PODXL: variants seen among roughly 807,000 people sequenced by gnomAD.
The protein encoded by PODXL is podocalyxin like.
PODXL carries 20 observed loss-of-function variants against 48.9 expected under a neutral mutation model. The ratio of observed to expected loss-of-function variants is 0.41; its 90% CI spans 0.29 to 0.59. The LOEUF is 0.59. PODXL is among the 20% of genes least tolerant of loss of function. The pLI is 0.31. For synonymous variants in PODXL, 295 were observed against 287.4 expected (o/e 1.03, Z -0.27); for missense variants, 606 against 675.1 (o/e 0.90, Z 1.13).
In PODXL at chr7:131,506,601, G is replaced by T; in HGVS notation, c.1227C>A (p.Val409=). ...LASVPGSQTV[V]VKEITIHTKL... Reference sequence around the variant, plus strand: ...CACTGTGAATAGTGATTTCTTTGACGACCACGGTCTGACTTCCTGGAACAG... The same window carrying T: ...CACTGTGAATAGTGATTTCTTTGACTACCACGGTCTGACTTCCTGGAACAG... The change falls in exon 6 of 9, where the codon GTC becomes GTA. Residue 409 remains valine (V), a synonymous_variant. Coordinates refer to ENST00000378555, the MANE Select transcript of PODXL (RefSeq NM_001018111.3). The T allele has an allele frequency of 1.2e-6, 2 of 1,614,070 alleles. No homozygotes were observed. Among genetic ancestry groups the T allele is most frequent in the East Asian group, 2.2e-5 (1 of 44,858 alleles).
chr7:131,536,356 G>A (rs1258545017), intron 1 of PODXL, among the ~76,000 whole-genome samples: 2 of 152,198 alleles, frequency 1.3e-5, no homozygotes, highest in African/African-American at 4.8e-5. Context: ...CTGGATGGCT[G>A]GTGCTGTCTA....
intron 1 of PODXL, among the ~76,000 whole-genome samples, chr7:131,538,791 T>G (rs534155728): frequency 6.6e-6 from 1 of 152,272 alleles, no homozygotes; most frequent in African/African-American, 2.4e-5. Context: ...GGCGTCCCCA[T>G]GCCGAGCCCC....
In PODXL at chr7:131,556,497, C is replaced by T; in HGVS notation, c.-138G>A. 9.4e-7 allele frequency: 1 copy of T among 1,062,344 alleles called. No homozygotes were observed. The highest frequency in any genetic ancestry group is 1.2e-6 in the Non-Finnish European group (1 of 831,730). 65.8% of individuals were successfully genotyped at this position (1,062,344 alleles called of 1,614,324 possible). ...AGGCCAGGCTGTGGCCCGGGGCTCC[C>T]GAGTCGCGCTGCGGCGGCTCTTCCT... On this transcript the variant is annotated 5_prime_UTR_variant, in exon 1 of 9. Transcript: ENST00000378555.
Position 131,517,340 on chromosome 7 carries a change from G to A in PODXL, c.101-5907C>T, listed in dbSNP as rs80037388. On this transcript the variant is annotated intron_variant, in intron 1 of 8. Transcript: ENST00000378555. ...TTTCGAGCAGCAGCTAACAGCTTGT[G>A]TGCTCTTTAGGATCAGAATGGACGG... Among the ~76,000 whole-genome samples the A allele has an allele frequency of 3.9e-5, 6 of 152,306 alleles. No individual in the cohort carries two copies. In the East Asian group the frequency reaches 1.2e-3, roughly 29 times the overall value.
At chr7:131,510,141 A>G in intron 3 of PODXL, 95 bp downstream of exon 3, 1 of 416,932 alleles carries the variant, frequency 2.4e-6, no homozygotes, top group Non-Finnish European at 4.7e-6. Flanking sequence ...CCATAGGTAG[A>G]TTTTGAAATT....
chr7:131,513,008 A>AAT (rs2116796414), intron 1 of PODXL, among the ~76,000 whole-genome samples: 1 of 151,784 alleles, frequency 6.6e-6, no homozygotes, highest in African/African-American at 2.4e-5. Flanking sequence ...AAAAAAAAAA[A>AAT]AAAAAATCAC....
At chr7:131,508,254 T>G (rs73157520) in intron 5 of PODXL, among the ~76,000 whole-genome samples, 10,324 of 152,156 alleles carry the variant, frequency 0.068, 478 homozygotes, top group Middle Eastern at 0.14. Context: ...CAGTGGCTCC[T>G]GCATTCCTGG....
rs146612898 is a variant in PODXL, at chr7:131,509,602, G to A, written c.803-17C>T. 14,950 of 1,492,714 alleles carry A rather than the reference G, an allele frequency of 0.01. 106 individuals carry two copies. The highest frequency in any genetic ancestry group is 0.012 in the Non-Finnish European group (13,401 of 1,108,686). The allele number at this position is 1,492,714 out of a possible 1,614,324, so 92.5% of individuals were successfully genotyped here. A position where few individuals can be genotyped will look rare whatever the true frequency, so the allele number is the denominator to read the frequency against. On this transcript the variant is annotated splice_polypyrimidine_tract_variant and intron_variant, in intron 3 of 8. Transcript: ENST00000378555. Reference sequence around the variant, plus strand: ...CCGATGACGCTGTCATTGGGAAAACGAGGGTAATGAGAAAAGATGAGTGCA... The same window carrying A: ...CCGATGACGCTGTCATTGGGAAAACAAGGGTAATGAGAAAAGATGAGTGCA...
At chr7:131,543,854 A>C (rs1309108106) in intron 1 of PODXL, among the ~76,000 whole-genome samples, 3 of 152,108 alleles carry the variant, frequency 2.0e-5, no homozygotes, top group Admixed American at 6.6e-5. Flanking sequence ...CCAGAAGCCA[A>C]ATGCATGAGA....
rs987996763 is a variant in PODXL at position 131,507,045 on chromosome 7, G to C, written c.1102-319C>G. On this transcript the variant is annotated intron_variant, in intron 5 of 8. Coordinates refer to ENST00000378555, the MANE Select transcript of PODXL (RefSeq NM_001018111.3). ...CCCTCCAAGCTGTTTGCGGATTGGG[G>C]GTTGTTTTCATCTCCCTCCCTAGAA... is the stretch of plus-strand genomic sequence containing the variant. 6 of 294,072 alleles carry C rather than the reference G, an allele frequency of 2.0e-5. No individual in the cohort carries two copies. The South Asian group carries it at 3.0e-4, about 15-fold the overall frequency. The allele number at this position is 294,072 out of a possible 1,614,324, so 18.2% of individuals were successfully genotyped here. A position where few individuals can be genotyped will look rare whatever the true frequency, so the allele number is the denominator to read the frequency against.
At chr7:131,556,153 T>A in intron 1 of PODXL, 107 bp downstream of exon 1, 2 of 1,317,894 alleles carry the variant, frequency 1.5e-6, no homozygotes, top group Non-Finnish European at 1.9e-6. Context: ...GTGATAGGGC[T>A]GCTCGGGGTC....
In PODXL at chr7:131,504,381, T is replaced by C. The variant is rs774563497; in HGVS notation, c.1607A>G (p.Asp536Gly). The C allele has an allele frequency of 2.7e-5, 44 of 1,614,016 alleles. No homozygotes were observed. Among genetic ancestry groups the C allele is most frequent in the Non-Finnish European group, 1.7e-5 (20 of 1,180,004 alleles). ...KVVSLNGELG[D>G]SWIVPLDNLT... ...GTTGTCCAGAGGGACGATCCAGCTG[T>C]CCCCCAGCTCCCCGTTGAGGCTGAC... The change falls in exon 9 of 9, where the codon GAC (aspartate) becomes GGC (glycine). Residue 536 changes from aspartate (D) to glycine (G), a missense_variant. Physicochemically the swap from Asp to Gly is moderately conservative, Grantham distance 94. Coordinates refer to ENST00000378555, the MANE Select transcript of PODXL (RefSeq NM_001018111.3).
chr7:131,529,034 G>A (rs1290770517), intron 1 of PODXL, among the ~76,000 whole-genome samples: 3 of 152,080 alleles, frequency 2.0e-5, no homozygotes, highest in Admixed American at 1.3e-4. Context: ...CAGTTTGAGG[G>A]GCTGATAAAG....
At chr7:131,534,047 G>GGCACTCCACTCTCCCGCCCTGCACC (rs146402981) in intron 1 of PODXL, among the ~76,000 whole-genome samples, 7,914 of 152,136 alleles carry the variant, frequency 0.052, 290 homozygotes, top group East Asian at 0.22. Context: ...GGGAAGGAAA[G>GGCACTCCACTCTCCCGCCCTGCACC]GCACCCCACC....
chr7:131,511,475 G>C (rs770957506), intron 1 of PODXL, 42 bp from the exon 2 acceptor site: 7 of 1,590,896 alleles, frequency 4.4e-6, no homozygotes, highest in African/African-American at 1.3e-5. Flanking sequence ...GGGCTGGGAG[G>C]CTTCCTCACC....
intron 1 of PODXL, among the ~76,000 whole-genome samples, chr7:131,515,863 C>G (rs1797985962): frequency 6.6e-6 from 1 of 152,190 alleles, no homozygotes; most frequent in African/African-American, 2.4e-5. Context: ...AAAGCCAAAT[C>G]TCATCATGAT....
At chr7:131,510,182 A>T (rs1797883666) in intron 3 of PODXL, 54 bp downstream of exon 3, 1 of 445,620 alleles carries the variant, frequency 2.2e-6, no homozygotes, top group East Asian at 7.3e-5. Flanking sequence ...GCTCTTATAA[A>T]TAATAAGTAA....
At chr7:131,531,966 T>C (rs1452382231) in intron 1 of PODXL, among the ~76,000 whole-genome samples, 1 of 151,604 alleles carries the variant, frequency 6.6e-6, no homozygotes, top group Non-Finnish European at 1.5e-5. Context: ...CAAAATTAGC[T>C]GGGCATGGTG....
intron 1 of PODXL, among the ~76,000 whole-genome samples, chr7:131,546,547 G>A (rs1224065329): frequency 6.6e-6 from 1 of 151,632 alleles, no homozygotes; most frequent in African/African-American, 2.4e-5. Context: ...CCAACATGGG[G>A]AAACCCCATC....
Sources: gnomAD v4.1 joint callset for allele counts (sites outside exome capture counted in the v4.1 genomes callset) on GRCh38, gnomAD v4.1.1 for gene constraint, MANE v1.5 for transcripts, NCBI Gene and HGNC (gene_info 2026-07-23, HGNC 2026-07-21) for gene names.